The following MEGF8 variants were observed in gnomAD, a reference collection of about 807,000 sequenced individuals.
MEGF8 encodes the protein multiple epidermal growth factor-like domains protein 8.
A neutral mutation model predicts 302.9 loss-of-function variants in MEGF8; 156 were observed. That is an observed-to-expected ratio of 0.52 (90% CI 0.45 to 0.59). The LOEUF is 0.59. Ranked by LOEUF, MEGF8 falls within the 20% of genes least tolerant of loss-of-function variation. The probability of loss-of-function intolerance (pLI) is 0.00; values close to 1 mark genes in which losing one functional copy is unlikely to be tolerated. For synonymous variants in MEGF8, 1,621 were observed against 1,660.5 expected, an observed-to-expected ratio of 0.98 and a Z score of 0.58; for missense variants, 3,345 against 3,964.5, an observed-to-expected ratio of 0.84 and a Z score of 4.20.
In MEGF8 at chr19:42,369,821, G is replaced by A; in HGVS notation, c.6834+98G>A. The A allele has an allele frequency of 1.5e-5, 20 of 1,315,704 alleles. No homozygotes were observed. The highest frequency in any genetic ancestry group is 2.2e-5 in the Admixed American group (1 of 46,104). 81.5% of individuals were successfully genotyped at this position (1,315,704 alleles called of 1,614,324 possible). Reference sequence around the variant, plus strand: ...CGGCTCGCATCTCATCCTGAGCCCTGATAAGCCAGGGACAGATAAGCCAGA... The same window carrying A: ...CGGCTCGCATCTCATCCTGAGCCCTAATAAGCCAGGGACAGATAAGCCAGA... On this transcript the variant is annotated intron_variant, in intron 38 of 41. Coordinates refer to ENST00000251268, the MANE Select transcript of MEGF8 (RefSeq NM_001271938.2). The surrounding 1 kb of genome is among the most constrained non-coding windows in gnomAD (Gnocchi z 5.7).
rs756232567 is a variant in MEGF8, at chr19:42,344,829, A to G, written c.2093A>G (p.Asp698Gly). The change falls in exon 12 of 42, where the codon GAC becomes GGC. Residue 698 changes from aspartate (D) to glycine (G), a missense_variant. Coordinates refer to ENST00000251268, the MANE Select transcript of MEGF8 (RefSeq NM_001271938.2). This position sits in a 1 kb window ranked among gnomAD's most constrained non-coding sequence, Gnocchi z 4.5. ...FQQPPNTSQP[D>G]KVSIVRSTTI... is the part of the protein sequence containing the mutation. ...CAGCCGCCCAATACCTCCCAGCCTG[A>G]CAAGGTGGGTAGGAGGCGTGGCCCT... 2 of 1,568,266 alleles carry G rather than the reference A, an allele frequency of 1.3e-6. No homozygotes were observed. Among genetic ancestry groups the G allele is most frequent in the East Asian group, 2.3e-5 (1 of 43,754 alleles).
chr19:42,376,014 C>G lies in MEGF8; in HGVS notation c.7777C>G (p.Arg2593Gly). The G allele has an allele frequency of 6.2e-7, 1 of 1,605,362 alleles. No individual in the cohort carries two copies. The highest frequency in any genetic ancestry group is 8.5e-7 in the Non-Finnish European group (1 of 1,177,694). ...GGCAGTGCTGGTGGTCCGCGGCGTG[C>G]GGGACCGGCTGGTCATCACCTACCC... is the stretch of plus-strand genomic sequence containing the variant. Reference protein sequence around the residue: ...PSAVLVVRGVRDRLVITYPHE... With the variant: ...PSAVLVVRGVGDRLVITYPHE... The change falls in exon 42 of 42, where the codon CGG (arginine) becomes GGG (glycine). Residue 2593 changes from arginine (R) to glycine (G), a missense_variant. Transcript: ENST00000251268. The surrounding 1 kb of genome is among the most constrained non-coding windows in gnomAD (Gnocchi z 8.2).
intron 34 of MEGF8, 144 bp downstream of exon 34, chr19:42,362,741 G>A: frequency 1.0e-6 from 1 of 973,770 alleles, no homozygotes; most frequent in East Asian, 2.6e-5. Flanking sequence ...GGGAGAAGGG[G>A]CTGGGCCCCT....
intron 35 of MEGF8, 148 bp downstream of exon 35, chr19:42,363,410 G>A: frequency 1.4e-6 from 1 of 721,204 alleles, no homozygotes; most frequent in Non-Finnish European, 2.3e-6. Flanking sequence ...TCCTTCTCGT[G>A]CCACCATCTC....
At chr19:42,337,508 T>TG (rs1465495887) in intron 8 of MEGF8, among the ~76,000 whole-genome samples, 1 of 145,670 alleles carries the variant, frequency 6.9e-6, no homozygotes, top group East Asian at 2.0e-4. Flanking sequence ...TTTCTTTTCT[T>TG]TTTTTTTTTT....
At chr19:42,339,962 G>A (rs2039189060) in intron 8 of MEGF8, among the ~76,000 whole-genome samples, 2 of 152,178 alleles carry the variant, frequency 1.3e-5, no homozygotes, top group African/African-American at 4.8e-5. Flanking sequence ...GGAGACTGAG[G>A]CAGGAGAATT....
chr19:42,377,013 C>A lies in MEGF8; in HGVS notation c.*238C>A. On this transcript the variant is annotated 3_prime_UTR_variant, in exon 42 of 42. Transcript: ENST00000251268. ...AAAGCAGGAACCAAGAGACGAGGTT[C>A]CCTGATCTCATGGGACTTAGGTTCT... The A allele has an allele frequency of 2.2e-6, 1 of 448,556 alleles. No homozygotes were observed. Among genetic ancestry groups the A allele is most frequent in the Middle Eastern group, 5.7e-4 (1 of 1,740 alleles). 27.8% of individuals were successfully genotyped at this position (448,556 alleles called of 1,614,324 possible).
chr19:42,363,390 C>T (rs1200595005), intron 35 of MEGF8, 128 bp downstream of exon 35: 3 of 816,692 alleles, frequency 3.7e-6, no homozygotes, highest in East Asian at 2.7e-5. Context: ...GCTCTAGCTG[C>T]AGTCGTGCTT....
At position 42,354,825 on chromosome 19, in the gene MEGF8, T is replaced by C; in HGVS notation, c.4144+105T>C. The C allele has an allele frequency of 7.9e-7, 1 of 1,259,540 alleles. No individual in the cohort carries two copies. The highest frequency in any genetic ancestry group is 1.1e-6 in the Non-Finnish European group (1 of 926,710). The allele number at this position is 1,259,540 out of a possible 1,614,324, so 78.0% of individuals were successfully genotyped here. A position where few individuals can be genotyped will look rare whatever the true frequency, so the allele number is the denominator to read the frequency against. On this transcript the variant is annotated intron_variant, in intron 23 of 41. Coordinates refer to ENST00000251268, the MANE Select transcript of MEGF8 (RefSeq NM_001271938.2). This position sits in a 1 kb window ranked among gnomAD's most constrained non-coding sequence, Gnocchi z 4.3. ...CTCAGGACCCAGCTCTGCCGCTGCTTATGGGGTGATGTAGTCCCTCACCAT... is the reference window on the plus strand; with the variant it reads ...CTCAGGACCCAGCTCTGCCGCTGCTCATGGGGTGATGTAGTCCCTCACCAT...
intron 40 of MEGF8, 146 bp from the exon 41 acceptor site, chr19:42,371,204 T>G (rs1055902041): frequency 2.7e-6 from 3 of 1,091,658 alleles, no homozygotes; most frequent in Non-Finnish European, 3.9e-6. Context: ...ATTTAACTGC[T>G]TTGTGGCCTT....
rs2039134955 is a variant in MEGF8, at chr19:42,336,835, C to T, written c.1273C>T (p.Leu425Phe). 6.2e-7 allele frequency: 1 copy of T among 1,607,330 alleles called. No individual in the cohort carries two copies. Among genetic ancestry groups the T allele is most frequent in the Non-Finnish European group, 8.5e-7 (1 of 1,176,484 alleles). The change falls in exon 7 of 42, where the codon CTT (leucine) becomes TTT (phenylalanine). Residue 425 changes from leucine (L) to phenylalanine (F), a missense_variant. Leu to Phe is a conservative substitution (Grantham distance 22). Coordinates refer to ENST00000251268, the MANE Select transcript of MEGF8 (RefSeq NM_001271938.2). This position sits in a 1 kb window ranked among gnomAD's most constrained non-coding sequence, Gnocchi z 4.8. Reference sequence around the variant, plus strand: ...CTCTGTGCGAGTGAACTCCACTGAGCTTTTCCACGTGGATCGGCATGTGTG... The same window carrying T: ...CTCTGTGCGAGTGAACTCCACTGAGTTTTTCCACGTGGATCGGCATGTGTG... ...RFSVRVNSTE[L>F]FHVDRHVWTT...
chr19:42,353,043 GC>G lies in MEGF8; in HGVS notation c.3472del (p.Arg1158AlafsTer181). 1 of 1,553,058 alleles carries G rather than the reference GC, an allele frequency of 6.4e-7. No individual in the cohort carries two copies. The highest frequency in any genetic ancestry group is 2.0e-5 in the Admixed American group (1 of 51,112). On this transcript the variant is annotated frameshift_variant, in exon 20 of 42. Transcript: ENST00000251268. LOFTEE classifies it high-confidence loss of function. This position sits in a 1 kb window ranked among gnomAD's most constrained non-coding sequence, Gnocchi z 6.1. Reference protein sequence around the residue: ...PPPTPAPGPPAPRCSRDCGCS... With the variant: ...PPPTPAPGPPXPRCSRDCGCS... ...TCCCACACCCGCCCCGGGTCCGCCA[GC>G]CCCCCGCTGCTCCCGGGACTGTGGC...
chr19:42,350,983 C>A, intron 15 of MEGF8: 1 of 570,124 alleles, frequency 1.8e-6, no homozygotes, highest in Admixed American at 3.4e-5. Flanking sequence ...GAATAAGCCC[C>A]ACCCGGACCA....
In MEGF8 at chr19:42,356,462, T is replaced by C; in HGVS notation, c.4622+9T>C. 2 of 1,572,022 alleles carry C rather than the reference T, an allele frequency of 1.3e-6. No homozygotes were observed. The highest frequency in any genetic ancestry group is 1.7e-6 in the Non-Finnish European group (2 of 1,159,842). ...CTGGGAAACCTGTACAGGTGAGGAC[T>C]GCCCTGGGCAGGTGGGATTCGCAAA... On this transcript the variant is annotated intron_variant, in intron 26 of 41. Coordinates refer to ENST00000251268, the MANE Select transcript of MEGF8 (RefSeq NM_001271938.2). This position sits in a 1 kb window ranked among gnomAD's most constrained non-coding sequence, Gnocchi z 5.2.
At position 42,344,328 on chromosome 19, in the gene MEGF8, G is replaced by C. The variant is rs2039256983; in HGVS notation, c.1789-113G>C. On this transcript the variant is annotated intron_variant, in intron 10 of 41. Transcript: ENST00000251268. This position sits in a 1 kb window ranked among gnomAD's most constrained non-coding sequence, Gnocchi z 4.5. Reference sequence around the variant, plus strand: ...CTCCCACATTCCAAGTCAACTCCCCGTTCTTCAGTTTTTTCGCCCTTTCCA... The same window carrying C: ...CTCCCACATTCCAAGTCAACTCCCCCTTCTTCAGTTTTTTCGCCCTTTCCA... 8.5e-7 allele frequency: 1 copy of C among 1,173,444 alleles called. No homozygotes were observed. The highest frequency in any genetic ancestry group is 4.9e-5 in the East Asian group (1 of 20,222). 72.7% of individuals were successfully genotyped at this position (1,173,444 alleles called of 1,614,324 possible).
rs2039318183 is a variant in MEGF8, at chr19:42,348,253, C to T, written c.2098-19C>T. 1.3e-6 allele frequency: 2 copies of T among 1,532,534 alleles called. No individual in the cohort carries two copies. The highest frequency in any genetic ancestry group is 1.7e-4 in the Middle Eastern group (1 of 5,976). The allele number at this position is 1,532,534 out of a possible 1,614,324, so 94.9% of individuals were successfully genotyped here. ...GTCCAGAAAGGGACTCACACATACA[C>T]CCATCCCTGGTGGCACAGGTCTCAA... On this transcript the variant is annotated intron_variant, in intron 12 of 41. Coordinates refer to ENST00000251268, the MANE Select transcript of MEGF8 (RefSeq NM_001271938.2).
intron 41 of MEGF8, among the ~76,000 whole-genome samples, chr19:42,372,831 C>A (rs1036668700): frequency 3.9e-5 from 6 of 151,952 alleles, no homozygotes; most frequent in African/African-American, 1.4e-4. Context: ...TGCCACCATG[C>A]CTGGCTAATT....
At position 42,352,919 on chromosome 19, in the gene MEGF8, G is replaced by A; in HGVS notation, c.3351-9G>A. 1.3e-6 allele frequency: 2 copies of A among 1,581,558 alleles called. No individual in the cohort carries two copies. The highest frequency in any genetic ancestry group is 1.7e-6 in the Non-Finnish European group (2 of 1,164,372). On this transcript the variant is annotated splice_polypyrimidine_tract_variant and intron_variant, in intron 19 of 41. Transcript: ENST00000251268. The surrounding 1 kb of genome is among the most constrained non-coding windows in gnomAD (Gnocchi z 4.4). ...TGGCGCTTTCCCCACCCCCAACACG[G>A]CCCCTCAGGTGCTTGGAGGACTGTG...
rs1182726058 is a variant in MEGF8, at chr19:42,369,038, A to G, written c.6641+36A>G. 1.9e-6 allele frequency: 3 copies of G among 1,605,856 alleles called. No homozygotes were observed. Among genetic ancestry groups the G allele is most frequent in the African/African-American group, 1.3e-5 (1 of 75,002 alleles). On this transcript the variant is annotated intron_variant, in intron 37 of 41. Transcript: ENST00000251268. The surrounding 1 kb of genome is among the most constrained non-coding windows in gnomAD (Gnocchi z 5.7). ...AGGCGGCGCTGGGGCCAGGCAGGCT[A>G]GGGTGGGAGAGTCTGTGGGGAGCAG...
Sources: gnomAD v4.1 joint callset for allele counts (sites outside exome capture counted in the v4.1 genomes callset) on GRCh38, gnomAD v4.1.1 for gene constraint, Gnocchi (gnomAD v3.1) non-coding constraint, MANE v1.5 for transcripts, NCBI Gene and HGNC (gene_info 2026-07-23, HGNC 2026-07-21) for gene names.